Variants in ADPRHL1 observed in about 807,000 individuals in gnomAD.
ADPRHL1 encodes the protein ADP-ribosylhydrolase like 1, also known as inactive ADP-ribosyltransferase ARH2.
ADPRHL1 carries 43 observed loss-of-function variants against 44.1 expected under a neutral mutation model. The observed-to-expected ratio is 0.98, with a 90% CI of 0.76 to 1.26. The LOEUF (loss-of-function observed/expected upper bound fraction) is 1.26, where lower values mean the gene tolerates loss of function less well. ADPRHL1 is among the 50% of genes most tolerant of loss of function. ADPRHL1 has a pLI of 0.00. For synonymous variants in ADPRHL1, 878 were observed against 1,017.4 expected (o/e 0.86, Z 2.61); for missense variants, 2,022 against 2,496.9 (o/e 0.81, Z 4.05).
intron 7 of ADPRHL1, among the ~76,000 whole-genome samples, chr13:113,417,174 G>A (rs564763122): frequency 5.5e-4 from 83 of 152,288 alleles, no homozygotes; most frequent in African/African-American, 1.9e-3. Context: ...GCAGGGCCCC[G>A]GGGACTCTGT....
At chr13:113,418,313 C>T (rs945172974) in intron 7 of ADPRHL1, among the ~76,000 whole-genome samples, 17 of 152,196 alleles carry the variant, frequency 1.1e-4, no homozygotes, top group African/African-American at 4.1e-4. Context: ...AGGGAGCCTG[C>T]AGCAGCATGG....
At chr13:113,452,202 C>A (rs372858716) in intron 1 of ADPRHL1, among the ~76,000 whole-genome samples, 44 of 152,262 alleles carry the variant, frequency 2.9e-4, no homozygotes, top group African/African-American at 1.0e-3. Context: ...CACGAGTGGC[C>A]GCCTGGAAAA....
At chr13:113,425,827 C>G (rs558702343) in intron 4 of ADPRHL1, among the ~76,000 whole-genome samples, 8 of 152,108 alleles carry the variant, frequency 5.3e-5, no homozygotes, top group Admixed American at 5.2e-4. Context: ...ACTACAGGCA[C>G]CCACCACCAC....
At chr13:113,434,168 A>G (rs2044028927) in intron 2 of ADPRHL1, among the ~76,000 whole-genome samples, 1 of 152,172 alleles carries the variant, frequency 6.6e-6, no homozygotes. Context: ...CTGTAAAAAC[A>G]GCTTCATTGA....
chr13:113,434,012 G>T, intron 2 of ADPRHL1, 145 bp from the exon 3 acceptor site: 1 of 1,252,270 alleles, frequency 8.0e-7, no homozygotes, highest in Non-Finnish European at 1.0e-6. Context: ...CGAGCCATGG[G>T]CAGGCCACTC....
intron 2 of ADPRHL1, among the ~76,000 whole-genome samples, chr13:113,436,036 A>C (rs183082504): frequency 4.5e-3 from 664 of 148,404 alleles, no homozygotes; most frequent in East Asian, 0.031. Context: ...ACCCAGGCAC[A>C]GAGTGAACAT....
rs184418029 is a variant in ADPRHL1 at position 113,443,968 on chromosome 13, G to T, written c.379+457C>A. On this transcript the variant is annotated intron_variant, in intron 2 of 7. Coordinates refer to ENST00000612156, the MANE Select transcript of ADPRHL1 (RefSeq NM_001394807.1). Reference sequence around the variant, plus strand: ...AAAAAAAAAAAAAAATTTAAAGCGTGCTTTTCAATAGATACCATTAAGAAA... The same window carrying T: ...AAAAAAAAAAAAAAATTTAAAGCGTTCTTTTCAATAGATACCATTAAGAAA... Among the ~76,000 whole-genome samples, 516 of 152,184 alleles carry T rather than the reference G, an allele frequency of 3.4e-3. 3 individuals carry two copies. The highest frequency in any genetic ancestry group is 0.012 in the African/African-American group (491 of 41,494).
At chr13:113,430,432 A>G (rs1344701630) in intron 3 of ADPRHL1, among the ~76,000 whole-genome samples, 1 of 152,192 alleles carries the variant, frequency 6.6e-6, no homozygotes. Flanking sequence ...AGTGATGGCC[A>G]TGGTACTCAT....
rs569005282 is a variant in ADPRHL1, at chr13:113,441,396, T to C, written c.379+3029A>G. ...TCAATTTTAACTCTTTTGCTGGGGC[T>C]TACTATTGCTAACTCTTCTGTGATT... On this transcript the variant is annotated intron_variant, in intron 2 of 7. Coordinates refer to ENST00000612156, the MANE Select transcript of ADPRHL1 (RefSeq NM_001394807.1). The surrounding 1 kb of genome is among the most constrained non-coding windows in gnomAD (Gnocchi z 6.0). 1.3e-5 allele frequency among the ~76,000 whole-genome samples: 2 copies of C among 152,310 alleles called. No individual in the cohort carries two copies. Among genetic ancestry groups the C allele is most frequent in the South Asian group, 4.1e-4 (2 of 4,826 alleles).
intron 2 of ADPRHL1, among the ~76,000 whole-genome samples, chr13:113,443,610 C>A (rs1272920381): frequency 6.6e-6 from 1 of 151,372 alleles, no homozygotes; most frequent in African/African-American, 2.4e-5. Context: ...TGGAGTGAGA[C>A]CCTGTCTACA....
chr13:113,423,672 C>T (rs2043942863), intron 6 of ADPRHL1, among the ~76,000 whole-genome samples: 1 of 152,262 alleles, frequency 6.6e-6, no homozygotes, highest in South Asian at 2.1e-4. Flanking sequence ...AGCCACTCTG[C>T]TGGGCTTCCT....
intron 7 of ADPRHL1, among the ~76,000 whole-genome samples, chr13:113,408,808 C>T (rs987949031): frequency 7.1e-6 from 1 of 140,514 alleles, no homozygotes; most frequent in African/African-American, 2.8e-5. Context: ...GGGCAGGAAC[C>T]AGCACTGCAG....
intron 1 of ADPRHL1, among the ~76,000 whole-genome samples, chr13:113,451,529 G>T (rs527959123): frequency 1.3e-5 from 2 of 152,148 alleles, no homozygotes; most frequent in Non-Finnish European, 2.9e-5. Context: ...TAAGAATAGC[G>T]CCCCATGGTG....
At position 113,447,507 on chromosome 13, in the gene ADPRHL1, G is replaced by A. The variant is rs532008575; in HGVS notation, c.215-2918C>T. On this transcript the variant is annotated intron_variant, in intron 1 of 7. Coordinates refer to ENST00000612156, the MANE Select transcript of ADPRHL1 (RefSeq NM_001394807.1). Reference sequence around the variant, plus strand: ...TGTGTGCATGGTGTCTACACTCATGGTGTTGTGTGTGCATGGTGTCTACAC... The same window carrying A: ...TGTGTGCATGGTGTCTACACTCATGATGTTGTGTGTGCATGGTGTCTACAC... 2.6e-4 allele frequency among the ~76,000 whole-genome samples: 40 copies of A among 151,690 alleles called. 1 individual carries two copies. The highest frequency in any genetic ancestry group is 1.9e-3 in the South Asian group (9 of 4,796).
intron 2 of ADPRHL1, among the ~76,000 whole-genome samples, chr13:113,435,392 T>G (rs865882520): frequency 2.9e-5 from 2 of 70,066 alleles, no homozygotes; most frequent in Admixed American, 1.5e-4. Flanking sequence ...CCCCAGGACC[T>G]GGCACCCAGG....
Position 113,453,313 on chromosome 13 carries a change from C to T in ADPRHL1, c.125G>A (p.Gly42Asp). ...KIQEELQRSG[G>D]LDHLVLSPGE... Reference sequence around the variant, plus strand: ...TGGCGAGAGTACGAGGTGGTCCAGGCCCCCGGAACGTTGCAGCTCCTCCTG... The same window carrying T: ...TGGCGAGAGTACGAGGTGGTCCAGGTCCCCGGAACGTTGCAGCTCCTCCTG... Residue 42 changes from glycine (G) to aspartate (D), a missense_variant, in exon 1 of 8, where the codon GGC (glycine) becomes GAC (aspartate). Transcript: ENST00000612156. This position sits in a 1 kb window ranked among gnomAD's most constrained non-coding sequence, Gnocchi z 5.4. The T allele has an allele frequency of 6.2e-7, 1 of 1,614,176 alleles. No homozygotes were observed. The highest frequency in any genetic ancestry group is 8.5e-7 in the Non-Finnish European group (1 of 1,180,036).
chr13:113,416,074 C>G (rs1428709454), intron 7 of ADPRHL1, among the ~76,000 whole-genome samples: 2 of 151,614 alleles, frequency 1.3e-5, no homozygotes, highest in African/African-American at 4.9e-5. Context: ...CAATCCCCTC[C>G]CCAGCAGCTT....
At chr13:113,443,706 A>G (rs1055211224) in intron 2 of ADPRHL1, among the ~76,000 whole-genome samples, 11 of 152,096 alleles carry the variant, frequency 7.2e-5, no homozygotes, top group Non-Finnish European at 1.5e-4. Flanking sequence ...CCACTTTGGG[A>G]GGCCAAGGCA....
chr13:113,437,472 G>C (rs900867200), intron 2 of ADPRHL1, among the ~76,000 whole-genome samples: 1 of 152,164 alleles, frequency 6.6e-6, no homozygotes, highest in Non-Finnish European at 1.5e-5. Context: ...TCTGCAATCC[G>C]TCCTCCTGCC....
Sources: allele counts gnomAD v4.1 joint callset (sites outside exome capture counted in the v4.1 genomes callset), GRCh38; gene constraint gnomAD v4.1.1; non-coding constraint Gnocchi (gnomAD v3.1); transcripts MANE v1.5; gene names NCBI Gene and HGNC (gene_info 2026-07-23, HGNC 2026-07-21).